Variants in MACROD2 observed in about 807,000 individuals in gnomAD.
MACROD2 encodes mono-ADP ribosylhydrolase 2, also known as ADP-ribose glycohydrolase MACROD2.
MACROD2 carries 36 observed loss-of-function variants against 70.4 expected under a neutral mutation model. That is an observed-to-expected ratio of 0.51 (90% CI 0.39 to 0.68). The LOEUF is 0.68. Ranked by LOEUF, MACROD2 falls within the 30% of genes least tolerant of loss-of-function variation. The pLI is 0.00. For synonymous variants in MACROD2, 172 were observed against 178.8 expected, an observed-to-expected ratio of 0.96 and a Z score of 0.30; for missense variants, 496 against 538.4, an observed-to-expected ratio of 0.92 and a Z score of 0.78.
At chr20:15,825,246 A>G (rs1247543204) in intron 8 of MACROD2, among the ~76,000 whole-genome samples, 1 of 152,198 alleles carries the variant, frequency 6.6e-6, no homozygotes, top group East Asian at 1.9e-4. Flanking sequence ...GGTTAAGCCT[A>G]AACTTTAGGG....
At chr20:14,284,225 A>C (rs1043883170) in intron 3 of MACROD2, among the ~76,000 whole-genome samples, 3 of 152,226 alleles carry the variant, frequency 2.0e-5, no homozygotes, top group African/African-American at 4.8e-5. Context: ...TAAAAGAGCA[A>C]TATTAGAAAA....
chr20:15,824,918 G>T (rs140505112), intron 8 of MACROD2, among the ~76,000 whole-genome samples: 226 of 152,270 alleles, frequency 1.5e-3, no homozygotes, highest in African/African-American at 5.2e-3. Context: ...CTTTCTGAGA[G>T]TTGATGCCAA....
chr20:15,111,653 A>G (rs73096073), intron 5 of MACROD2, among the ~76,000 whole-genome samples: 25,649 of 152,192 alleles, frequency 0.17, 3,012 homozygotes, highest in Non-Finnish European at 0.26. Flanking sequence ...GACAGTTTCC[A>G]TTTTCATTAT....
At chr20:15,417,410 G>A (rs910270866) in intron 6 of MACROD2, among the ~76,000 whole-genome samples, 2 of 151,636 alleles carry the variant, frequency 1.3e-5, no homozygotes, top group South Asian at 4.2e-4. Flanking sequence ...GGACAACACA[G>A]CAAGACCTCA....
chr20:15,124,106 T>C (rs2076049376), intron 5 of MACROD2, among the ~76,000 whole-genome samples: 1 of 152,120 alleles, frequency 6.6e-6, no homozygotes, highest in African/African-American at 2.4e-5. Flanking sequence ...CTTATTTCAG[T>C]TTTGGGGTAC....
At chr20:14,056,753 TA>T in intron 2 of MACROD2, among the ~76,000 whole-genome samples, 1 of 152,012 alleles carries the variant, frequency 6.6e-6, no homozygotes, top group Non-Finnish European at 1.5e-5. Flanking sequence ...GATCAGTATT[TA>T]AAATGTGCCC....
intron 3 of MACROD2, among the ~76,000 whole-genome samples, chr20:14,460,695 T>C (rs1239233922): frequency 6.6e-6 from 1 of 152,158 alleles, no homozygotes; most frequent in Non-Finnish European, 1.5e-5. Flanking sequence ...GTTTTTGTCA[T>C]TGGTTCTGCT....
At chr20:15,167,367 A>T (rs2076392851) in intron 5 of MACROD2, among the ~76,000 whole-genome samples, 1 of 152,152 alleles carries the variant, frequency 6.6e-6, no homozygotes, top group East Asian at 1.9e-4. Flanking sequence ...TTAGTTGGTA[A>T]ATGTTGAAAT....
chr20:14,695,762 G>A (rs910572870), intron 5 of MACROD2, among the ~76,000 whole-genome samples: 1 of 152,210 alleles, frequency 6.6e-6, no homozygotes, highest in African/African-American at 2.4e-5. Context: ...CAAGCTTTCC[G>A]ATGTCTGCAG....
intron 8 of MACROD2, among the ~76,000 whole-genome samples, chr20:15,519,813 G>A (rs1197472692): frequency 6.6e-6 from 1 of 152,162 alleles, no homozygotes; most frequent in East Asian, 1.9e-4. Flanking sequence ...GCACTAGGTT[G>A]GAGAAAGCCA....
chr20:15,916,849 C>T (rs1227971940), intron 10 of MACROD2, among the ~76,000 whole-genome samples: 3 of 152,178 alleles, frequency 2.0e-5, no homozygotes, highest in South Asian at 2.1e-4. Flanking sequence ...TTCAGGTATG[C>T]GGTTTCCTAG....
At chr20:15,952,052 TCA>T (rs916739384) in intron 12 of MACROD2, among the ~76,000 whole-genome samples, 5 of 152,106 alleles carry the variant, frequency 3.3e-5, no homozygotes, top group African/African-American at 1.2e-4. Context: ...TGAGTAAGTC[TCA>T]CAAGATCTGA....
chr20:15,984,794 T>A (rs1003767024), intron 13 of MACROD2, among the ~76,000 whole-genome samples: 5 of 152,222 alleles, frequency 3.3e-5, no homozygotes, highest in African/African-American at 1.2e-4. Context: ...ATTTCAATTA[T>A]CCTTTGCTAT....
intron 6 of MACROD2, among the ~76,000 whole-genome samples, chr20:15,340,105 T>C (rs2078091775): frequency 6.7e-6 from 1 of 149,554 alleles, no homozygotes; most frequent in Admixed American, 6.7e-5. Context: ...ACTTTTCTTT[T>C]TCTTTTTTCT....
At chr20:14,116,958 T>C (rs938203489) in intron 3 of MACROD2, among the ~76,000 whole-genome samples, 1 of 151,784 alleles carries the variant, frequency 6.6e-6, no homozygotes, top group Non-Finnish European at 1.5e-5. Flanking sequence ...TCCCAGGTAC[T>C]TGGGAGGCTG....
chr20:15,018,667 C>T (rs2075140423), intron 5 of MACROD2, among the ~76,000 whole-genome samples: 1 of 152,066 alleles, frequency 6.6e-6, no homozygotes, highest in Non-Finnish European at 1.5e-5. Context: ...TCCTAAAGGG[C>T]TAGGCCCGTC....
At chr20:15,812,948 T>C (rs190939394) in intron 8 of MACROD2, among the ~76,000 whole-genome samples, 1 of 152,186 alleles carries the variant, frequency 6.6e-6, no homozygotes, top group Non-Finnish European at 1.5e-5. Context: ...ATCATAGTGA[T>C]GTTTGATATG....
At position 15,353,585 on chromosome 20, in the gene MACROD2, A is replaced by G. The variant is rs545395525; in HGVS notation, c.541-77820A>G. The stretch of plus-strand genomic sequence containing the variant: ...ACAGGCAACCTACAAAATGGGAGAA[A>G]ATTTTTGCAATCTACTCATCTGACA... On this transcript the variant is annotated intron_variant, in intron 6 of 17. Coordinates refer to ENST00000684519, the MANE Select transcript of MACROD2 (RefSeq NM_001351661.2). 3.3e-5 allele frequency among the ~76,000 whole-genome samples: 5 copies of G among 151,932 alleles called. No individual in the cohort carries two copies. The East Asian group carries it at 9.7e-4, about 29-fold the overall frequency.
intron 3 of MACROD2, among the ~76,000 whole-genome samples, chr20:14,320,704 A>C (rs755091013): frequency 3.8e-5 from 5 of 132,600 alleles, no homozygotes; most frequent in Non-Finnish European, 7.7e-5. Context: ...GTACATGCCT[A>C]GCCTTCATCT....
Sources: allele counts gnomAD v4.1 joint callset (sites outside exome capture counted in the v4.1 genomes callset), GRCh38; gene constraint gnomAD v4.1.1; transcripts MANE v1.5; gene names NCBI Gene and HGNC (gene_info 2026-07-23, HGNC 2026-07-21).